Variants in SORCS3 observed in about 807,000 individuals in gnomAD.
The protein encoded by SORCS3 is sortilin related VPS10 domain containing receptor 3.
SORCS3 carries 57 observed loss-of-function variants against 146.3 expected under a neutral mutation model. That is an observed-to-expected ratio of 0.39 (90% CI 0.31 to 0.49). The LOEUF (loss-of-function observed/expected upper bound fraction) is 0.49. Ranked by LOEUF, SORCS3 falls within the 20% of genes least tolerant of loss-of-function variation. SORCS3 has a pLI of 0.92. For missense variants in SORCS3, 1,341 were observed against 1,575.5 expected, an observed-to-expected ratio of 0.85 and a Z score of 2.52; for synonymous variants, 653 against 618.5, an observed-to-expected ratio of 1.06 and a Z score of -0.83.
chr10:105,148,144 C>G (rs895469243), intron 9 of SORCS3, among the ~76,000 whole-genome samples: 1 of 151,946 alleles, frequency 6.6e-6, no homozygotes, highest in Non-Finnish European at 1.5e-5. Flanking sequence ...CTCTGTGTTG[C>G]TTTTGTGGAC....
chr10:104,980,401 G>T (rs2054925487), intron 4 of SORCS3, among the ~76,000 whole-genome samples: 1 of 152,194 alleles, frequency 6.6e-6, no homozygotes, highest in Non-Finnish European at 1.5e-5. Context: ...CATCCAGGTT[G>T]CAGAAGAGTT....
At chr10:105,047,178 G>A (rs2055379243) in intron 5 of SORCS3, among the ~76,000 whole-genome samples, 1 of 151,780 alleles carries the variant, frequency 6.6e-6, no homozygotes, top group Non-Finnish European at 1.5e-5. Flanking sequence ...AATACTTGTT[G>A]TGATTCACAG....
chr10:105,260,724 C>T (rs1396002132), intron 25 of SORCS3, among the ~76,000 whole-genome samples: 4 of 152,150 alleles, frequency 2.6e-5, no homozygotes, highest in African/African-American at 9.7e-5. Context: ...AATGTAGAAG[C>T]TTGAGAATAC....
At chr10:105,117,010 C>A (rs1488633194) in intron 7 of SORCS3, among the ~76,000 whole-genome samples, 8 of 151,958 alleles carry the variant, frequency 5.3e-5, no homozygotes, top group Non-Finnish European at 1.0e-4. Flanking sequence ...ATATAACAAA[C>A]CTGTGCATGT....
chr10:104,661,672 TATAG>T (rs112598598), intron 1 of SORCS3, among the ~76,000 whole-genome samples: 4,770 of 151,650 alleles, frequency 0.031, 123 homozygotes, highest in African/African-American at 0.069. Context: ...GATTTGGGAA[TATAG>T]ATAGATAGAT....
intron 1 of SORCS3, among the ~76,000 whole-genome samples, chr10:104,652,317 T>A (rs1198234417): frequency 6.6e-6 from 1 of 152,186 alleles, no homozygotes; most frequent in African/African-American, 2.4e-5. Context: ...AATGAAAAAG[T>A]TGCAAAAATT....
intron 6 of SORCS3, among the ~76,000 whole-genome samples, chr10:105,103,136 T>C (rs1010369430): frequency 1.3e-5 from 2 of 152,140 alleles, no homozygotes; most frequent in Non-Finnish European, 2.9e-5. Flanking sequence ...TGTCTTCTTT[T>C]TGCATATGAA....
chr10:104,982,693 A>G (rs796663957), intron 4 of SORCS3, among the ~76,000 whole-genome samples: 17 of 152,346 alleles, frequency 1.1e-4, no homozygotes, highest in African/African-American at 3.6e-4. Flanking sequence ...CAGGTGTCTC[A>G]TTAGTACAAT....
intron 1 of SORCS3, among the ~76,000 whole-genome samples, chr10:104,707,711 A>G (rs1371349612): frequency 6.6e-6 from 1 of 152,208 alleles, no homozygotes; most frequent in Non-Finnish European, 1.5e-5. Flanking sequence ...CCTGCCTTTA[A>G]TCACTGAGAT....
intron 1 of SORCS3, among the ~76,000 whole-genome samples, chr10:104,786,577 AGTGATG>A (rs2017439335): frequency 6.7e-6 from 1 of 149,406 alleles, no homozygotes. Flanking sequence ...TAATAATAAT[AGTGATG>A]ATGATGATAA....
intron 2 of SORCS3, among the ~76,000 whole-genome samples, chr10:104,857,845 G>A (rs564243221): frequency 6.6e-6 from 1 of 152,236 alleles, no homozygotes; most frequent in Admixed American, 6.5e-5. Flanking sequence ...GTGGAGCAGA[G>A]GATAAAGAAA....
intron 7 of SORCS3, among the ~76,000 whole-genome samples, chr10:105,124,775 C>G (rs1013396836): frequency 2.0e-5 from 3 of 152,086 alleles, no homozygotes; most frequent in South Asian, 2.1e-4. Context: ...CCTCTCGAGG[C>G]CAGGCAAGAT....
chr10:104,732,662 T>C (rs1490183), intron 1 of SORCS3, among the ~76,000 whole-genome samples: 119,762 of 152,096 alleles, frequency 0.79, 47,328 homozygotes, highest in East Asian at 0.94. Context: ...GTTTAAAAGC[T>C]TTTATCTTGG....
intron 2 of SORCS3, among the ~76,000 whole-genome samples, chr10:104,845,671 T>G (rs2018195460): frequency 6.6e-6 from 1 of 152,042 alleles, no homozygotes; most frequent in Non-Finnish European, 1.5e-5. Flanking sequence ...AGGTTGAAGG[T>G]TGGGGGTTAG....
chr10:104,845,994 A>G (rs1177733649), intron 2 of SORCS3, among the ~76,000 whole-genome samples: 2 of 152,186 alleles, frequency 1.3e-5, no homozygotes, highest in African/African-American at 4.8e-5. Context: ...GGAGTTACTC[A>G]GAGCGAATTT....
intron 5 of SORCS3, among the ~76,000 whole-genome samples, chr10:105,059,689 C>G (rs2055470153): frequency 6.6e-6 from 1 of 152,176 alleles, no homozygotes; most frequent in Non-Finnish European, 1.5e-5. Flanking sequence ...TCCCCAATCC[C>G]TTGGCTTGGG....
chr10:105,162,728 A>G (rs2056276135), intron 11 of SORCS3, among the ~76,000 whole-genome samples: 2 of 152,190 alleles, frequency 1.3e-5, no homozygotes, highest in Non-Finnish European at 2.9e-5. Flanking sequence ...AAGAGAGGCT[A>G]AAGATGTTGA....
At chr10:105,142,368 T>C (rs4589218) in intron 8 of SORCS3, among the ~76,000 whole-genome samples, 78,473 of 151,900 alleles carry the variant, frequency 0.52, 20,524 homozygotes, top group Admixed American at 0.55. Context: ...CTTGACAAGA[T>C]TCAGACGTCT....
chr10:104,841,158 T>C (rs2018135659), intron 1 of SORCS3, among the ~76,000 whole-genome samples: 1 of 152,240 alleles, frequency 6.6e-6, no homozygotes, highest in African/African-American at 2.4e-5. Flanking sequence ...TTTATTTCTC[T>C]GTTAGTCTCT....
Sources: gnomAD v4.1 joint callset for allele counts (sites outside exome capture counted in the v4.1 genomes callset) on GRCh38, gnomAD v4.1.1 for gene constraint, MANE v1.5 for transcripts, NCBI Gene and HGNC (gene_info 2026-07-23, HGNC 2026-07-21) for gene names.